The following ARL15 variants were observed in gnomAD, a reference collection of about 807,000 sequenced individuals.
ARL15 encodes ADP-ribosylation factor-like protein 15.
In ARL15, 19 loss-of-function variants were observed where a neutral mutation model predicts 25.2. The observed-to-expected ratio is 0.75, with a 90% CI of 0.53 to 1.10. The LOEUF (loss-of-function observed/expected upper bound fraction) is 1.10, where lower values mean the gene tolerates loss of function less well. Among genes scored for constraint, ARL15 ranks in the 50% least tolerant of loss-of-function variants. ARL15 has a pLI of 0.00. For missense variants in ARL15, 220 were observed against 246.0 expected (o/e 0.89, Z 0.71); for synonymous variants, 94 against 86.8 (o/e 1.08, Z -0.46).
At chr5:53,903,438 G>A (rs1419235437) in intron 4 of ARL15, among the ~76,000 whole-genome samples, 1 of 152,156 alleles carries the variant, frequency 6.6e-6, no homozygotes, top group Non-Finnish European at 1.5e-5. Flanking sequence ...CTAGTGGGTA[G>A]AGGCCAGGGA....
At chr5:54,210,055 T>C (rs1755994045) in intron 1 of ARL15, among the ~76,000 whole-genome samples, 1 of 152,192 alleles carries the variant, frequency 6.6e-6, no homozygotes, top group African/African-American at 2.4e-5. Context: ...TGTCCTAATA[T>C]TTGGCTTGAA....
At chr5:53,910,191 C>A (rs1223958483) in intron 4 of ARL15, among the ~76,000 whole-genome samples, 1 of 152,106 alleles carries the variant, frequency 6.6e-6, no homozygotes. Flanking sequence ...GCTCTTCAGG[C>A]CCGGACAGGA....
chr5:53,945,031 C>A (rs958603898), intron 4 of ARL15, among the ~76,000 whole-genome samples: 8 of 152,178 alleles, frequency 5.3e-5, no homozygotes, highest in African/African-American at 1.4e-4. Flanking sequence ...ATCAGGGAGG[C>A]TGCATTCTTG....
intron 1 of ARL15, among the ~76,000 whole-genome samples, chr5:54,234,039 C>T (rs923140903): frequency 2.0e-5 from 3 of 152,086 alleles, no homozygotes; most frequent in African/African-American, 7.2e-5. Context: ...CGCTCTGTTG[C>T]CAGGCTGGTA....
intron 1 of ARL15, among the ~76,000 whole-genome samples, chr5:54,241,168 C>T (rs9292042): frequency 0.64 from 96,984 of 151,926 alleles, 31,496 homozygotes; most frequent in Non-Finnish European, 0.7. Flanking sequence ...ATGTTTATAC[C>T]GTTCTGTCCA....
intron 4 of ARL15, among the ~76,000 whole-genome samples, chr5:54,098,518 C>A (rs1752351258): frequency 6.6e-6 from 1 of 151,988 alleles, no homozygotes; most frequent in Non-Finnish European, 1.5e-5. Flanking sequence ...CAAAGGAGAG[C>A]TATACTTCAA....
At chr5:53,967,668 C>T (rs1485345987) in intron 4 of ARL15, among the ~76,000 whole-genome samples, 1 of 152,102 alleles carries the variant, frequency 6.6e-6, no homozygotes, top group Admixed American at 6.6e-5. Context: ...CACAGAGCTG[C>T]CTTCAGGAGA....
At chr5:54,061,271 C>G (rs1036149539) in intron 4 of ARL15, among the ~76,000 whole-genome samples, 2 of 152,164 alleles carry the variant, frequency 1.3e-5, no homozygotes, top group Non-Finnish European at 2.9e-5. Context: ...CAAGCCTTCA[C>G]AGCTTCCATG....
chr5:53,978,320 C>T (rs1384434395), intron 4 of ARL15, among the ~76,000 whole-genome samples: 2 of 151,974 alleles, frequency 1.3e-5, no homozygotes, highest in Non-Finnish European at 2.9e-5. Flanking sequence ...GACATAACTC[C>T]TCAGTCACAG....
chr5:54,025,062 A>G (rs368202134), intron 4 of ARL15, among the ~76,000 whole-genome samples: 24 of 152,270 alleles, frequency 1.6e-4, no homozygotes, highest in African/African-American at 4.8e-4. Context: ...TAAAACCAAT[A>G]AAGATAAAGG....
chr5:53,905,208 A>C (rs1745212946), intron 4 of ARL15, among the ~76,000 whole-genome samples: 1 of 152,226 alleles, frequency 6.6e-6, no homozygotes, highest in South Asian at 2.1e-4. Flanking sequence ...AGAGTGTTAC[A>C]TAAAAGCATG....
At position 53,964,978 on chromosome 5, in the gene ARL15, A is replaced by G. The variant is rs901256549; in HGVS notation, c.463-78265T>C. On this transcript the variant is annotated intron_variant, in intron 4 of 4. Transcript: ENST00000504924. ...TTCTTTCCTCTAAAACATAGTTGTT[A>G]TTTATTGATTGCTAAGATGCCTTAG... Among the ~76,000 whole-genome samples the G allele has an allele frequency of 2.6e-5, 4 of 152,194 alleles. 1 individual carries two copies. Among genetic ancestry groups the G allele is most frequent in the African/African-American group, 9.7e-5 (4 of 41,444 alleles).
intron 3 of ARL15, among the ~76,000 whole-genome samples, chr5:54,119,309 T>C (rs541358389): frequency 2.8e-4 from 43 of 152,246 alleles, no homozygotes; most frequent in Non-Finnish European, 5.7e-4. Context: ...CATTTTCTCC[T>C]CTCTCTTGCA....
Position 53,972,343 on chromosome 5 carries a change from A to G in ARL15, c.463-85630T>C, listed in dbSNP as rs544568197. On this transcript the variant is annotated intron_variant, in intron 4 of 4. Coordinates refer to ENST00000504924, the MANE Select transcript of ARL15 (RefSeq NM_019087.3). ...TTTGGATCATATTTTCAATACCACA[A>G]TTATTTTCATTATTTTAGTTTGTTC... Among the ~76,000 whole-genome samples, 11 of 152,268 alleles carry G rather than the reference A, an allele frequency of 7.2e-5. No homozygotes were observed. The South Asian group carries it at 2.3e-3, about 32-fold the overall frequency.
intron 4 of ARL15, among the ~76,000 whole-genome samples, chr5:54,019,952 G>A (rs1749543498): frequency 6.6e-6 from 1 of 152,128 alleles, no homozygotes; most frequent in South Asian, 2.1e-4. Context: ...CATCTGAAAA[G>A]CAAATTAGCA....
At chr5:54,210,762 C>A (rs62372184) in intron 1 of ARL15, among the ~76,000 whole-genome samples, 2,731 of 152,304 alleles carry the variant, frequency 0.018, 36 homozygotes, top group Non-Finnish European at 0.025. Flanking sequence ...TTTACAAATA[C>A]AAATATATTA....
chr5:54,186,377 T>G (rs905059187), intron 1 of ARL15, among the ~76,000 whole-genome samples: 5 of 152,222 alleles, frequency 3.3e-5, no homozygotes, highest in African/African-American at 1.2e-4. Flanking sequence ...ATATTTCAGA[T>G]CCACAGCTGA....
intron 4 of ARL15, among the ~76,000 whole-genome samples, chr5:54,010,230 G>T (rs1012245888): frequency 1.3e-5 from 2 of 152,178 alleles, no homozygotes; most frequent in African/African-American, 4.8e-5. Context: ...ATGCATAGTA[G>T]TAACATTCAC....
chr5:54,233,511 A>G (rs563459819), intron 1 of ARL15, among the ~76,000 whole-genome samples: 1 of 152,242 alleles, frequency 6.6e-6, no homozygotes, highest in Non-Finnish European at 1.5e-5. Context: ...TTGTGTTAAC[A>G]TTTGGAAGAT....
Sources: allele counts gnomAD v4.1 joint callset (sites outside exome capture counted in the v4.1 genomes callset), GRCh38; gene constraint gnomAD v4.1.1; transcripts MANE v1.5; gene names NCBI Gene and HGNC (gene_info 2026-07-23, HGNC 2026-07-21).